Variants in ZNF792 observed in about 807,000 individuals in gnomAD.
The protein encoded by ZNF792 is zinc finger protein 792.
A neutral mutation model predicts 13.1 loss-of-function variants in ZNF792; 14 were observed. The observed-to-expected ratio is 1.07, with a 90% CI of 0.71 to 1.67. The LOEUF is 1.67. ZNF792 is among the 40% of genes most tolerant of loss of function. The probability of loss-of-function intolerance (pLI) is 0.00; values close to 1 mark genes in which losing one functional copy is unlikely to be tolerated. For missense variants in ZNF792, 740 were observed against 807.9 expected (o/e 0.92, Z 1.02); for synonymous variants, 257 against 292.0 (o/e 0.88, Z 1.22).
At position 34,957,907 on chromosome 19, in the gene ZNF792, T is replaced by C. The variant is rs1479022112; in HGVS notation, c.*49A>G. On this transcript the variant is annotated 3_prime_UTR_variant, in exon 4 of 4. Coordinates refer to ENST00000404801, the MANE Select transcript of ZNF792 (RefSeq NM_175872.5). Reference sequence around the variant, plus strand: ...GAAAAAACGCTGATAAACTCTACAGTAAGAGAATGTAACTTGTCTCCAGAA... The same window carrying C: ...GAAAAAACGCTGATAAACTCTACAGCAAGAGAATGTAACTTGTCTCCAGAA... 6 of 1,523,200 alleles carry C rather than the reference T, an allele frequency of 3.9e-6. No homozygotes were observed. The highest frequency in any genetic ancestry group is 5.3e-6 in the Non-Finnish European group (6 of 1,135,044). The allele number at this position is 1,523,200 out of a possible 1,614,324, so 94.4% of individuals were successfully genotyped here. A position where few individuals can be genotyped will look rare whatever the true frequency, so the allele number is the denominator to read the frequency against.
At chr19:34,961,171 G>C (rs1568553000) in intron 1 of ZNF792, among the ~76,000 whole-genome samples, 177 bp from the exon 2 acceptor site, 2 of 152,116 alleles carry the variant, frequency 1.3e-5, no homozygotes, top group Non-Finnish European at 2.9e-5. Flanking sequence ...AGGGTGCAGA[G>C]AGGCACCCTC....
intron 1 of ZNF792, among the ~76,000 whole-genome samples, chr19:34,963,148 C>T (rs1325751139): frequency 6.6e-6 from 1 of 152,152 alleles, no homozygotes; most frequent in East Asian, 1.9e-4. Context: ...CCACAGGGAG[C>T]CTGTTAAGAC....
chr19:34,963,844 C>T lies in ZNF792; in HGVS notation c.-182G>A. 2 of 688,720 alleles carry T rather than the reference C, an allele frequency of 2.9e-6. No homozygotes were observed. The highest frequency in any genetic ancestry group is 4.6e-6 in the Non-Finnish European group (2 of 435,202). 42.7% of individuals were successfully genotyped at this position (688,720 alleles called of 1,614,324 possible). On this transcript the variant is annotated 5_prime_UTR_variant, in exon 1 of 4. Coordinates refer to ENST00000404801, the MANE Select transcript of ZNF792 (RefSeq NM_175872.5). The stretch of plus-strand genomic sequence containing the variant: ...CAAAATGCGCAAGGGGCCCGGGGCG[C>T]AGGCTCCGGGGGCGCCGAGAGCGCG...
rs779610266 is a variant in ZNF792 at position 34,959,205 on chromosome 19, T to G, written c.650A>C (p.Lys217Thr). The change falls in exon 4 of 4, where the codon AAG (lysine) becomes ACG (threonine). Residue 217 changes from lysine to threonine, a missense_variant. Coordinates refer to ENST00000404801, the MANE Select transcript of ZNF792 (RefSeq NM_175872.5). ...AAACCCTGCTGTGGCCACAAAGTCCTTCCCACCCTCCCTGCAGGTGGAAAG... is the reference window on the plus strand; with the variant it reads ...AAACCCTGCTGTGGCCACAAAGTCCGTCCCACCCTCCCTGCAGGTGGAAAG... The part of the protein sequence containing the change: ...DQLSTCREGG[K>T]DFVATAGFLQ... 2.5e-6 allele frequency: 4 copies of G among 1,613,914 alleles called. No homozygotes were observed. In the Admixed American group the frequency reaches 5.0e-5, roughly 20 times the overall value.
In ZNF792 at chr19:34,963,581, C is replaced by G. The variant is rs751199866; in HGVS notation, c.33+49G>C. ...ATCTTTTGCGTCTCAACACCGAGAA[C>G]AGAAGCGTGGGGGGCCGACAGCGAA... On this transcript the variant is annotated intron_variant, in intron 1 of 3. Coordinates refer to ENST00000404801, the MANE Select transcript of ZNF792 (RefSeq NM_175872.5). The G allele has an allele frequency of 6.9e-6, 11 of 1,586,546 alleles. No individual in the cohort carries two copies. The South Asian group carries it at 1.3e-4, about 18-fold the overall frequency.
At position 34,960,977 on chromosome 19, in the gene ZNF792, C is replaced by A. The variant is rs2013519934; in HGVS notation, c.51G>T (p.Glu17Asp). The A allele has an allele frequency of 6.2e-7, 1 of 1,613,672 alleles. No individual in the cohort carries two copies. Among genetic ancestry groups the A allele is most frequent in the African/African-American group, 1.3e-5 (1 of 74,998 alleles). The change falls in exon 2 of 4, where the codon GAG becomes GAT. Residue 17 changes from glutamate to aspartate, a missense_variant. Transcript: ENST00000404801. ...RDPAQGCVTF[E>D]DVTIYFSQEE... ...CCTGGGAGAAGTAAATGGTCACGTC[C>A]TCAAAGGTCACGCAGCCCTGCCATG...
intron 3 of ZNF792, 61 bp from the exon 4 acceptor site, chr19:34,959,632 T>A (rs565115744): frequency 3.7e-5 from 55 of 1,490,798 alleles, no homozygotes; most frequent in African/African-American, 8.4e-5. Flanking sequence ...AAGAGCCCCA[T>A]CACCTATGCT....
chr19:34,960,331 C>T lies in ZNF792; in HGVS notation c.187G>A (p.Val63Ile), dbSNP rs766964319. ...LGLISFRSHI[V>I]SQLEMGKEPW... is the part of the protein sequence containing the mutation. ...TCTTTCCCCATCTCCAACTGGGAAA[C>T]GATGTGGGACCTGAAAGATATAAGT... Residue 63 changes from valine to isoleucine, a missense_variant, in exon 3 of 4, where the codon GTT becomes ATT. Physicochemically the swap from Val to Ile is conservative, Grantham distance 29. Coordinates refer to ENST00000404801, the MANE Select transcript of ZNF792 (RefSeq NM_175872.5). The T allele has an allele frequency of 5.6e-6, 9 of 1,613,396 alleles. No homozygotes were observed. Among genetic ancestry groups the T allele is most frequent in the South Asian group, 3.3e-5 (3 of 91,048 alleles).
At chr19:34,962,036 C>A (rs1171345587) in intron 1 of ZNF792, among the ~76,000 whole-genome samples, 1 of 152,218 alleles carries the variant, frequency 6.6e-6, no homozygotes, top group Non-Finnish European at 1.5e-5. Context: ...ATGACCACTA[C>A]TGTTCCTCAC....
chr19:34,963,394 A>G (rs1363674603), intron 1 of ZNF792, among the ~76,000 whole-genome samples: 2 of 151,770 alleles, frequency 1.3e-5, no homozygotes, highest in East Asian at 3.9e-4. Context: ...TCCTGTGCCT[A>G]CAAAGCCCTT....
intron 1 of ZNF792, among the ~76,000 whole-genome samples, chr19:34,961,572 A>C (rs2013528392): frequency 6.6e-6 from 1 of 152,024 alleles, no homozygotes; most frequent in Admixed American, 6.5e-5. Context: ...GGTAAGGGGG[A>C]GAGGGAGCGC....
intron 3 of ZNF792, among the ~76,000 whole-genome samples, 192 bp from the exon 4 acceptor site, chr19:34,959,763 A>C (rs2013498651): frequency 1.3e-5 from 2 of 152,172 alleles, no homozygotes; most frequent in African/African-American, 4.8e-5. Context: ...AGGAGGCCTT[A>C]TCAGGACCAG....
chr19:34,960,559 A>G, intron 2 of ZNF792: 2 of 737,200 alleles, frequency 2.7e-6, no homozygotes, highest in South Asian at 3.7e-5. Flanking sequence ...TCTAAACCAC[A>G]GAACTGTCAG....
chr19:34,959,416 A>C lies in ZNF792; in HGVS notation c.439T>G (p.Leu147Val). 1 of 1,614,142 alleles carries C rather than the reference A, an allele frequency of 6.2e-7. No individual in the cohort carries two copies. Residue 147 changes from leucine (L) to valine (V), a missense_variant, in exon 4 of 4, where the codon TTG (leucine) becomes GTG (valine). By Grantham distance (32) the Leu-to-Val change is conservative (BLOSUM62 1). Transcript: ENST00000404801. Reference protein sequence around the residue: ...CGLRLKDILHLAEHQTTHPRQ... With the variant: ...CGLRLKDILHVAEHQTTHPRQ... ...GGATGTGTTGTCTGGTGTTCAGCCA[A>C]ATGCAAAATGTCTTTCAAACGTAGG...
At chr19:34,960,581 C>T in intron 2 of ZNF792, 2 of 695,652 alleles carry the variant, frequency 2.9e-6, no homozygotes, top group South Asian at 1.9e-5. Context: ...TCTGGATAAT[C>T]ACCCAGGAGG....
chr19:34,963,675 T>C lies in ZNF792; in HGVS notation c.-13A>G. 1.9e-6 allele frequency: 3 copies of C among 1,597,798 alleles called. No homozygotes were observed. The highest frequency in any genetic ancestry group is 2.6e-6 in the Non-Finnish European group (3 of 1,173,504). On this transcript the variant is annotated 5_prime_UTR_variant, in exon 1 of 4. Transcript: ENST00000404801. ...CCGCCGCTGCCATCGGAGTCTGTGG[T>C]CAGAGCAGGGCCCCACGGTGCGGGA...
chr19:34,958,905 T>G lies in ZNF792; in HGVS notation c.950A>C (p.Lys317Thr). The G allele has an allele frequency of 6.2e-7, 1 of 1,613,936 alleles. No homozygotes were observed. The highest frequency in any genetic ancestry group is 8.5e-7 in the Non-Finnish European group (1 of 1,179,850). ...GKPYECCECGKFFSQHSSLVK... is the reference protein window; with the variant it reads ...GKPYECCECGTFFSQHSSLVK... ...AAGGCTGGAGTGCTGGCTGAAGAAT[T>G]TTCCACATTCACAGCACTCATACGG... Residue 317 changes from lysine to threonine, a missense_variant, in exon 4 of 4, where the codon AAA becomes ACA. By Grantham distance (78) the Lys-to-Thr change is moderately conservative. Transcript: ENST00000404801.
In ZNF792 at chr19:34,958,096, C is replaced by G; in HGVS notation, c.1759G>C (p.Glu587Gln). Residue 587 changes from glutamate (E) to glutamine (Q), a missense_variant, in exon 4 of 4, where the codon GAA (glutamate) becomes CAA (glutamine). By Grantham distance (29) the Glu-to-Gln change is conservative. Transcript: ENST00000404801. ...LIRHQKIHIR[E>Q]RSMENVLLPC... ...AGGAGCACATTCTCCATGCTCCTTT[C>G]TCTGATGTGAATCTTCTGATGCCGA... 9.9e-6 allele frequency: 16 copies of G among 1,612,842 alleles called. No homozygotes were observed. Among genetic ancestry groups the G allele is most frequent in the Non-Finnish European group, 1.4e-5 (16 of 1,179,346 alleles).
chr19:34,963,528 G>A, intron 1 of ZNF792, 102 bp downstream of exon 1: 1 of 1,505,164 alleles, frequency 6.6e-7, no homozygotes, highest in East Asian at 2.5e-5. Flanking sequence ...AAGGAAATGG[G>A]AAAGGCGAAA....
Sources: gnomAD v4.1 joint callset for allele counts (sites outside exome capture counted in the v4.1 genomes callset) on GRCh38, gnomAD v4.1.1 for gene constraint, MANE v1.5 for transcripts, NCBI Gene and HGNC (gene_info 2026-07-23, HGNC 2026-07-21) for gene names.